The following ADAM18 variants were observed in gnomAD, a reference collection of about 807,000 sequenced individuals.
The protein encoded by ADAM18 is disintegrin and metalloproteinase domain-containing protein 18.
A neutral mutation model predicts 94.4 loss-of-function variants in ADAM18; 117 were observed. That is an observed-to-expected ratio of 1.24 (90% confidence interval 1.07 to 1.45). The LOEUF (loss-of-function observed/expected upper bound fraction) is 1.45. Ranked by LOEUF, ADAM18 falls within the 40% of genes most tolerant of loss-of-function variation. ADAM18 has a pLI of 0.00. For synonymous variants in ADAM18, 327 were observed against 291.6 expected (o/e 1.12, Z -1.24); for missense variants, 936 against 880.0 (o/e 1.06, Z -0.81).
chr8:39,637,346 A>C lies in ADAM18; in HGVS notation c.660+11A>C. On this transcript the variant is annotated intron_variant, in intron 8 of 19. Coordinates refer to ENST00000265707, the MANE Select transcript of ADAM18 (RefSeq NM_014237.3). ...GGGCTTGTCAACACTGTAAGTTTTT[A>C]CTTTTTCACATTTCCATTTTCATGA... The C allele has an allele frequency of 6.3e-7, 1 of 1,587,596 alleles. No individual in the cohort carries two copies. Among genetic ancestry groups the C allele is most frequent in the African/African-American group, 1.4e-5 (1 of 73,534 alleles).
intron 7 of ADAM18, among the ~76,000 whole-genome samples, chr8:39,629,763 A>G (rs1393977961): frequency 6.6e-6 from 1 of 151,728 alleles, no homozygotes; most frequent in Non-Finnish European, 1.5e-5. Context: ...AAGACATAAT[A>G]CAATTTTCTT....
chr8:39,618,959 A>G (rs533203786), intron 6 of ADAM18, among the ~76,000 whole-genome samples: 27 of 152,264 alleles, frequency 1.8e-4, no homozygotes, highest in Admixed American at 1.2e-3. Context: ...TACAATAATC[A>G]GGAGCATTTC....
intron 12 of ADAM18, among the ~76,000 whole-genome samples, chr8:39,655,903 G>T (rs1413547669): frequency 6.6e-6 from 1 of 151,670 alleles, no homozygotes; most frequent in Non-Finnish European, 1.5e-5. Flanking sequence ...AAATACTTAG[G>T]AATATATATA....
Position 39,631,606 on chromosome 8 carries a change from T to C in ADAM18, c.588+2167T>C, listed in dbSNP as rs144181011. 7.3e-3 allele frequency among the ~76,000 whole-genome samples: 1,104 copies of C among 152,138 alleles called. 8 individuals carry two copies. The highest frequency in any genetic ancestry group is 0.017 in the South Asian group (84 of 4,832). On this transcript the variant is annotated intron_variant, in intron 7 of 19. Transcript: ENST00000265707. ...TGTAGCTTTATTGTTATATAATTTATTTGGTTTTGTCCTTTTTCTAATCTT... is the reference window on the plus strand; with the variant it reads ...TGTAGCTTTATTGTTATATAATTTACTTGGTTTTGTCCTTTTTCTAATCTT...
intron 14 of ADAM18, among the ~76,000 whole-genome samples, chr8:39,674,718 C>T (rs1282038470): frequency 1.3e-5 from 2 of 152,140 alleles, no homozygotes; most frequent in Non-Finnish European, 2.9e-5. Flanking sequence ...TTCTCTACAT[C>T]GATGGTCTTT....
At chr8:39,604,232 A>G (rs1303223620) in intron 2 of ADAM18, among the ~76,000 whole-genome samples, 1 of 152,224 alleles carries the variant, frequency 6.6e-6, no homozygotes. Flanking sequence ...ATAAAAAATT[A>G]CAAAAAAACA....
chr8:39,692,458 ATCATATTAATATTAG>A (rs1187774935), intron 16 of ADAM18, 127 bp from the exon 17 acceptor site: 1 of 419,882 alleles, frequency 2.4e-6, no homozygotes, highest in Non-Finnish European at 4.3e-6. Flanking sequence ...GATAATGTTA[ATCATATTAATATTAG>A]TCATATTAAT....
intron 14 of ADAM18, among the ~76,000 whole-genome samples, chr8:39,670,297 A>G (rs1307266904): frequency 6.6e-6 from 1 of 152,166 alleles, no homozygotes; most frequent in African/African-American, 2.4e-5. Flanking sequence ...GGATCTCCAA[A>G]AAACTAGTAT....
intron 16 of ADAM18, among the ~76,000 whole-genome samples, chr8:39,684,173 TAAAC>T (rs886839956): frequency 1.6e-4 from 25 of 152,094 alleles, no homozygotes; most frequent in African/African-American, 5.5e-4. Context: ...AATAAGTAAA[TAAAC>T]AATAAATTGA....
intron 18 of ADAM18, among the ~76,000 whole-genome samples, chr8:39,707,418 C>T (rs1033957021): frequency 2.6e-5 from 4 of 152,200 alleles, no homozygotes; most frequent in African/African-American, 7.2e-5. Context: ...TGGTGCAACA[C>T]GTTGCTGTTA....
chr8:39,644,687 A>G (rs1453229310), intron 10 of ADAM18, among the ~76,000 whole-genome samples: 1 of 152,142 alleles, frequency 6.6e-6, no homozygotes, highest in Non-Finnish European at 1.5e-5. Context: ...TCCACATTCC[A>G]GCCCCCTATA....
At chr8:39,623,347 T>G (rs61391933) in intron 6 of ADAM18, among the ~76,000 whole-genome samples, 5,367 of 152,200 alleles carry the variant, frequency 0.035, 238 homozygotes, top group African/African-American at 0.11. Flanking sequence ...ATTTCTTTTT[T>G]GGGGGATAAT....
chr8:39,647,655 C>T (rs1226851948), intron 11 of ADAM18, among the ~76,000 whole-genome samples: 3 of 152,282 alleles, frequency 2.0e-5, no homozygotes, highest in Non-Finnish European at 2.9e-5. Flanking sequence ...GGACAATACC[C>T]GGCTTTCCAG....
In ADAM18 at chr8:39,638,451, T is replaced by C; in HGVS notation, c.828-14T>C. On this transcript the variant is annotated splice_polypyrimidine_tract_variant and intron_variant, in intron 9 of 19. Coordinates refer to ENST00000265707, the MANE Select transcript of ADAM18 (RefSeq NM_014237.3). ...TTTGCATAACTACGTTAATAAAAAA[T>C]TATAATAATGTAGTTACAGGAAACA... 6.6e-7 allele frequency: 1 copy of C among 1,513,434 alleles called. No individual in the cohort carries two copies. Among genetic ancestry groups the C allele is most frequent in the Non-Finnish European group, 9.0e-7 (1 of 1,116,296 alleles). The allele number at this position is 1,513,434 out of a possible 1,614,324, so 93.8% of individuals were successfully genotyped here.
Position 39,629,437 on chromosome 8 carries a change from T to G in ADAM18, c.586T>G (p.Leu196Val). 1 of 1,574,316 alleles carries G rather than the reference T, an allele frequency of 6.4e-7. No individual in the cohort carries two copies. The highest frequency in any genetic ancestry group is 8.6e-7 in the Non-Finnish European group (1 of 1,158,454). The change falls in exon 7 of 20, where the codon TTG becomes GTG. Residue 196 changes from leucine to valine, a missense_variant and splice_region_variant. Transcript: ENST00000265707. ...LEIYIIVEKA[L>V]YDYMGSEMMA... The stretch of plus-strand genomic sequence containing the variant: ...AATATACATTATAGTGGAAAAAGCT[T>G]TGGTAAGTATGCTTTCAAGAGGTCT...
At chr8:39,717,716 G>T (rs763958862) in intron 18 of ADAM18, among the ~76,000 whole-genome samples, 1 of 151,556 alleles carries the variant, frequency 6.6e-6, no homozygotes, top group African/African-American at 2.4e-5. Context: ...TTCATTGTGG[G>T]ACTATATCAA....
chr8:39,648,590 T>C, intron 12 of ADAM18, 63 bp downstream of exon 12: 1 of 1,423,440 alleles, frequency 7.0e-7, no homozygotes, highest in Non-Finnish European at 9.5e-7. Flanking sequence ...ATAAGACATG[T>C]TTGTCATGGT....
intron 17 of ADAM18, among the ~76,000 whole-genome samples, chr8:39,702,245 T>A (rs1234692157): frequency 6.6e-6 from 1 of 152,112 alleles, no homozygotes; most frequent in Non-Finnish European, 1.5e-5. Flanking sequence ...ATTAGTGATG[T>A]TAGGCTTTTC....
intron 12 of ADAM18, among the ~76,000 whole-genome samples, chr8:39,653,622 A>G (rs1245849138): frequency 6.6e-6 from 1 of 152,180 alleles, no homozygotes; most frequent in Non-Finnish European, 1.5e-5. Flanking sequence ...TTAGGAAAAA[A>G]CCTAATATGC....
Sources: allele counts gnomAD v4.1 joint callset (sites outside exome capture counted in the v4.1 genomes callset), GRCh38; gene constraint gnomAD v4.1.1; transcripts MANE v1.5; gene names NCBI Gene and HGNC (gene_info 2026-07-23, HGNC 2026-07-21).